IQCM: variants seen among roughly 807,000 people sequenced by gnomAD.
IQCM encodes IQ motif containing M.
In IQCM, 45 loss-of-function variants were observed where a neutral mutation model predicts 57.6. The ratio of observed to expected loss-of-function variants is 0.78; its 90% CI spans 0.62 to 1.00. IQCM has a LOEUF of 1.00. Ranked by LOEUF, IQCM falls within the 50% of genes least tolerant of loss-of-function variation. IQCM has a pLI of 0.00. For synonymous variants in IQCM, 148 were observed against 158.9 expected (o/e 0.93, Z 0.51); for missense variants, 468 against 511.6 (o/e 0.91, Z 0.82).
At chr4:149,462,884 T>G (rs546902659) in intron 12 of IQCM, among the ~76,000 whole-genome samples, 1 of 152,180 alleles carries the variant, frequency 6.6e-6, no homozygotes, top group Non-Finnish European at 1.5e-5. Context: ...AAATCTGAGC[T>G]GCAGAGAATG....
intron 8 of IQCM, among the ~76,000 whole-genome samples, chr4:149,617,671 A>C (rs1755920346): frequency 6.6e-6 from 1 of 152,258 alleles, no homozygotes; most frequent in Non-Finnish European, 1.5e-5. Context: ...TTCAGGATAC[A>C]AAATCAATGT....
At chr4:149,505,371 C>T (rs1251247784) in intron 12 of IQCM, among the ~76,000 whole-genome samples, 1 of 152,118 alleles carries the variant, frequency 6.6e-6, no homozygotes, top group East Asian at 1.9e-4. Flanking sequence ...TTTATAGTTA[C>T]ATTGTATTGA....
At chr4:149,784,434 A>C (rs2150015883) in intron 2 of IQCM, among the ~76,000 whole-genome samples, 1 of 152,306 alleles carries the variant, frequency 6.6e-6, no homozygotes, top group South Asian at 2.1e-4. Context: ...TGAAAAAAGT[A>C]AATCTTTTTC....
intron 5 of IQCM, among the ~76,000 whole-genome samples, chr4:149,723,276 A>G (rs1765606202): frequency 6.6e-6 from 1 of 151,894 alleles, no homozygotes; most frequent in Non-Finnish European, 1.5e-5. Context: ...GATGCGTCTT[A>G]TTTCTTTCTC....
At position 149,581,773 on chromosome 4, in the gene IQCM, G is replaced by A. The variant is rs562390056; in HGVS notation, c.749+6157C>T. ...ATGGGGACATTTTTTAGTACAGTGAGCATCTGTTTCTTTCCTCTGTCTGGC... is the reference window on the plus strand; with the variant it reads ...ATGGGGACATTTTTTAGTACAGTGAACATCTGTTTCTTTCCTCTGTCTGGC... On this transcript the variant is annotated intron_variant, in intron 9 of 13. Transcript: ENST00000636793. Among the ~76,000 whole-genome samples the A allele has an allele frequency of 7.8e-4, 119 of 151,698 alleles. 2 individuals are homozygous for A. The South Asian group carries it at 0.022, about 28-fold the overall frequency.
chr4:149,454,031 T>A (rs537111355), intron 12 of IQCM, among the ~76,000 whole-genome samples: 1 of 151,482 alleles, frequency 6.6e-6, no homozygotes, highest in Non-Finnish European at 1.5e-5. Flanking sequence ...AAAATGTTCA[T>A]CAATTGATGA....
intron 12 of IQCM, among the ~76,000 whole-genome samples, chr4:149,533,011 T>C (rs772401965): frequency 1.3e-5 from 2 of 152,114 alleles, no homozygotes; most frequent in Non-Finnish European, 2.9e-5. Flanking sequence ...GTAACTGATA[T>C]TGAAGCTGAG....
intron 2 of IQCM, among the ~76,000 whole-genome samples, chr4:149,748,006 C>T (rs1230409540): frequency 3.3e-5 from 5 of 152,192 alleles, no homozygotes; most frequent in Admixed American, 6.5e-5. Flanking sequence ...ACCAATTAAC[C>T]TCTCTGAATC....
chr4:149,785,186 A>C (rs1771965116), intron 2 of IQCM, among the ~76,000 whole-genome samples: 1 of 152,222 alleles, frequency 6.6e-6, no homozygotes, highest in Non-Finnish European at 1.5e-5. Flanking sequence ...ATACCTGTTC[A>C]TAGCAACTGC....
chr4:149,702,547 C>A (rs750172856), intron 5 of IQCM, among the ~76,000 whole-genome samples: 1 of 151,848 alleles, frequency 6.6e-6, no homozygotes, highest in African/African-American at 2.4e-5. Context: ...CTCTCCTTAT[C>A]TTTTCAACTT....
intron 12 of IQCM, among the ~76,000 whole-genome samples, chr4:149,500,697 A>G (rs556635184): frequency 7.6e-4 from 116 of 152,206 alleles, no homozygotes; most frequent in Non-Finnish European, 1.4e-3. Flanking sequence ...TGGCTTGTAT[A>G]TATTTAGGAA....
chr4:149,652,870 G>A (rs567434464), intron 7 of IQCM, among the ~76,000 whole-genome samples: 1 of 152,180 alleles, frequency 6.6e-6, no homozygotes, highest in Admixed American at 6.5e-5. Flanking sequence ...GAAACTGAAG[G>A]ACATATCTTA....
chr4:149,420,182 C>T (rs1043903230), intron 13 of IQCM, among the ~76,000 whole-genome samples: 1 of 152,028 alleles, frequency 6.6e-6, no homozygotes, highest in African/African-American at 2.4e-5. Context: ...ATTATAAAGA[C>T]ACATGCACAT....
chr4:149,380,970 T>A (rs763886201), intron 13 of IQCM, among the ~76,000 whole-genome samples: 1 of 152,208 alleles, frequency 6.6e-6, no homozygotes, highest in Non-Finnish European at 1.5e-5. Flanking sequence ...AATCTTTGCT[T>A]AGATGTGTAA....
At chr4:149,634,401 T>G (rs527502098) in intron 7 of IQCM, among the ~76,000 whole-genome samples, 6 of 152,218 alleles carry the variant, frequency 3.9e-5, no homozygotes, top group Non-Finnish European at 7.4e-5. Context: ...ACACATCCCA[T>G]TGCCTTGTAT....
intron 12 of IQCM, among the ~76,000 whole-genome samples, chr4:149,481,509 G>A (rs906807486): frequency 4.6e-5 from 7 of 151,888 alleles, no homozygotes; most frequent in African/African-American, 1.7e-4. Context: ...TTATTAAACA[G>A]ACTGTCTTTT....
chr4:149,446,164 T>A (rs1396983655), intron 12 of IQCM, among the ~76,000 whole-genome samples: 8 of 151,878 alleles, frequency 5.3e-5, no homozygotes, highest in African/African-American at 1.9e-4. Context: ...TCAAAGCTTT[T>A]TTTTCTTTTA....
chr4:149,549,242 G>A (rs28678043), intron 11 of IQCM, among the ~76,000 whole-genome samples: 12 of 152,162 alleles, frequency 7.9e-5, no homozygotes, highest in Admixed American at 2.0e-4. Flanking sequence ...ATGGCCGGGC[G>A]CGGTGGCTCA....
At chr4:149,506,655 A>G (rs1743845265) in intron 12 of IQCM, among the ~76,000 whole-genome samples, 2 of 152,238 alleles carry the variant, frequency 1.3e-5, no homozygotes, top group Non-Finnish European at 2.9e-5. Context: ...AAAAAGCCAT[A>G]GTACCAGGTT....
Sources: allele counts gnomAD v4.1 joint callset (sites outside exome capture counted in the v4.1 genomes callset), GRCh38; gene constraint gnomAD v4.1.1; transcripts MANE v1.5; gene names NCBI Gene and HGNC (gene_info 2026-07-23, HGNC 2026-07-21).